Variants in LGMN observed in about 807,000 individuals in gnomAD.
LGMN encodes asparaginyl endopeptidase.
A neutral mutation model predicts 56.8 loss-of-function variants in LGMN; 36 were observed. That is an observed-to-expected ratio of 0.63 (90% CI 0.49 to 0.84). LGMN has a LOEUF of 0.84. LGMN is among the 40% of genes least tolerant of loss of function. The pLI, the probability that LGMN is intolerant of heterozygous loss-of-function variation, is 0.00. For missense variants in LGMN, 446 were observed against 556.1 expected, an observed-to-expected ratio of 0.80 and a Z score of 1.99; for synonymous variants, 199 against 210.1, an observed-to-expected ratio of 0.95 and a Z score of 0.46.
intron 7 of LGMN, among the ~76,000 whole-genome samples, chr14:92,713,304 T>C (rs1019731246): frequency 6.6e-6 from 1 of 152,044 alleles, no homozygotes; most frequent in African/African-American, 2.4e-5. Flanking sequence ...GGTCTTAAAC[T>C]CCTGGCCTCA....
At chr14:92,721,632 C>A (rs1890484324) in intron 2 of LGMN, among the ~76,000 whole-genome samples, 1 of 152,230 alleles carries the variant, frequency 6.6e-6, no homozygotes, top group African/African-American at 2.4e-5. Context: ...TCCAACCAAG[C>A]AATTCTACTC....
chr14:92,718,606 T>G, intron 3 of LGMN, 141 bp downstream of exon 3: 1 of 475,098 alleles, frequency 2.1e-6, no homozygotes, highest in Non-Finnish European at 3.9e-6. Flanking sequence ...AAGCTCAACA[T>G]GAGGTATCCC....
At chr14:92,746,440 T>C (rs1445504094) in intron 1 of LGMN, among the ~76,000 whole-genome samples, 1 of 152,208 alleles carries the variant, frequency 6.6e-6, no homozygotes, top group Non-Finnish European at 1.5e-5. Context: ...AGTTTACTTC[T>C]ACATATTTCT....
In LGMN at chr14:92,714,845, T is replaced by A. The variant is rs113002289; in HGVS notation, c.405-394A>T. Among the ~76,000 whole-genome samples, 369 of 152,058 alleles carry A rather than the reference T, an allele frequency of 2.4e-3. 3 individuals carry two copies. The highest frequency in any genetic ancestry group is 8.6e-3 in the African/African-American group (356 of 41,502). On this transcript the variant is annotated intron_variant, in intron 5 of 13. Transcript: ENST00000334869. The surrounding 1 kb of genome is among the most constrained non-coding windows in gnomAD (Gnocchi z 5.1). ...AACACAGGCCTGCAGCCTCCCCCCCTCCAGGCCTCCTGTGGCCCACAGTCT... is the reference window on the plus strand; with the variant it reads ...AACACAGGCCTGCAGCCTCCCCCCCACCAGGCCTCCTGTGGCCCACAGTCT...
chr14:92,711,348 A>G (rs984613772), intron 10 of LGMN, among the ~76,000 whole-genome samples: 7 of 152,214 alleles, frequency 4.6e-5, no homozygotes, highest in African/African-American at 1.4e-4. Context: ...TGTGTTTAGC[A>G]TAAGTAACGC....
chr14:92,736,077 G>A (rs1177626085), intron 1 of LGMN, among the ~76,000 whole-genome samples: 1 of 152,200 alleles, frequency 6.6e-6, no homozygotes, highest in East Asian at 1.9e-4. Flanking sequence ...TTCAGCAAGT[G>A]AAACAGTGAA....
chr14:92,713,559 A>G (rs1009118545), intron 7 of LGMN, among the ~76,000 whole-genome samples: 8 of 152,218 alleles, frequency 5.3e-5, no homozygotes, highest in Non-Finnish European at 1.5e-5. Flanking sequence ...ATGGAAACCC[A>G]AGGCAAATTC....
chr14:92,714,559 G>A lies in LGMN; in HGVS notation c.405-108C>T. 1.3e-6 allele frequency: 1 copy of A among 764,622 alleles called. No individual in the cohort carries two copies. Among genetic ancestry groups the A allele is most frequent in the Non-Finnish European group, 2.2e-6 (1 of 464,344 alleles). The allele number at this position is 764,622 out of a possible 1,614,324, so 47.4% of individuals were successfully genotyped here. A position where few individuals can be genotyped will look rare whatever the true frequency, so the allele number is the denominator to read the frequency against. ...ATTAAGAAGTTTGGGGAGTAGAGTT[G>A]CCCAACCAGGTTTGAAGATGAACAC... On this transcript the variant is annotated intron_variant, in intron 5 of 13. Coordinates refer to ENST00000334869, the MANE Select transcript of LGMN (RefSeq NM_005606.7). The surrounding 1 kb of genome is among the most constrained non-coding windows in gnomAD (Gnocchi z 5.1).
intron 1 of LGMN, among the ~76,000 whole-genome samples, chr14:92,747,931 T>C (rs1002770103): frequency 6.6e-6 from 1 of 152,144 alleles, no homozygotes; most frequent in African/African-American, 2.4e-5. Flanking sequence ...CAGTTAACTT[T>C]CACTTCCAAG....
intron 2 of LGMN, among the ~76,000 whole-genome samples, chr14:92,720,767 TTACAG>T (rs1890423969): frequency 6.6e-6 from 1 of 152,186 alleles, no homozygotes; most frequent in African/African-American, 2.4e-5. Flanking sequence ...TTACATTACA[TTACAG>T]AGCAAAGGGT....
chr14:92,737,596 TA>T (rs770325168), intron 1 of LGMN, among the ~76,000 whole-genome samples: 2 of 152,222 alleles, frequency 1.3e-5, no homozygotes, highest in Non-Finnish European at 2.9e-5. Flanking sequence ...CCCTGCCTTT[TA>T]AAAGTGCCCA....
intron 8 of LGMN, 30 bp downstream of exon 8, chr14:92,712,775 C>T: frequency 6.2e-7 from 1 of 1,607,888 alleles, no homozygotes; most frequent in Non-Finnish European, 8.5e-7. Flanking sequence ...CTTGCCAGCC[C>T]AGGTCGAGGC....
chr14:92,704,776 T>A, intron 12 of LGMN, 69 bp from the exon 13 acceptor site: 2 of 1,247,464 alleles, frequency 1.6e-6, no homozygotes, highest in Non-Finnish European at 2.4e-6. Context: ...ACTTTTGCAA[T>A]TGCAGAGGGG....
chr14:92,724,223 T>C (rs1890635979), intron 2 of LGMN, among the ~76,000 whole-genome samples: 1 of 152,246 alleles, frequency 6.6e-6, no homozygotes, highest in Non-Finnish European at 1.5e-5. Flanking sequence ...GAGTGCCTTG[T>C]GTTGTTACTC....
At chr14:92,706,696 C>T (rs532481529) in intron 11 of LGMN, 43 bp from the exon 12 acceptor site, 25 of 1,507,648 alleles carry the variant, frequency 1.7e-5, no homozygotes, top group South Asian at 5.1e-5. Flanking sequence ...TCCCTGAATG[C>T]GGTCTCTCAG....
rs983549914 is a variant in LGMN at position 92,730,381 on chromosome 14, T to C, written c.138+2268A>G. Reference sequence around the variant, plus strand: ...AATGTAAATACAGACTGGATTTCAATGACTTAGTACAAAATCAAAGAATGT... The same window carrying C: ...AATGTAAATACAGACTGGATTTCAACGACTTAGTACAAAATCAAAGAATGT... On this transcript the variant is annotated intron_variant, in intron 2 of 13. Transcript: ENST00000334869. Among the ~76,000 whole-genome samples the C allele has an allele frequency of 1.2e-4, 18 of 152,350 alleles. 1 individual carries two copies. Among genetic ancestry groups the C allele is most frequent in the African/African-American group, 3.6e-4 (15 of 41,576 alleles).
chr14:92,705,749 TCC>T (rs1372960943), intron 12 of LGMN, among the ~76,000 whole-genome samples: 1 of 151,964 alleles, frequency 6.6e-6, no homozygotes, highest in Non-Finnish European at 1.5e-5. Context: ...TGCCTCAGCC[TCC>T]CGAGTAGTTG....
chr14:92,729,909 T>G (rs1206401666), intron 2 of LGMN, among the ~76,000 whole-genome samples: 2 of 152,392 alleles, frequency 1.3e-5, no homozygotes, highest in East Asian at 3.9e-4. Context: ...TATTTCAGTC[T>G]GGGCCACTTC....
chr14:92,717,518 CT>C (rs1890130390), intron 3 of LGMN, 57 bp from the exon 4 acceptor site: 1 of 1,254,700 alleles, frequency 8.0e-7, no homozygotes, highest in East Asian at 2.3e-5. Flanking sequence ...AAATCTCTCT[CT>C]TCAAACACAT....
Sources: gnomAD v4.1 joint callset for allele counts (sites outside exome capture counted in the v4.1 genomes callset) on GRCh38, gnomAD v4.1.1 for gene constraint, Gnocchi (gnomAD v3.1) non-coding constraint, MANE v1.5 for transcripts, NCBI Gene and HGNC (gene_info 2026-07-23, HGNC 2026-07-21) for gene names.